The following DTNB variants were observed in gnomAD, a reference collection of about 807,000 sequenced individuals.
DTNB encodes DTN-B.
Under a neutral mutation model 90.7 loss-of-function variants are expected in DTNB, and 63 were observed. The ratio of observed to expected loss-of-function variants is 0.69; its 90% CI spans 0.57 to 0.86. The LOEUF is 0.86. Ranked by LOEUF, DTNB falls within the 40% of genes least tolerant of loss-of-function variation. DTNB has a pLI of 0.00. For missense variants in DTNB, 744 were observed against 807.1 expected (o/e 0.92, Z 0.95); for synonymous variants, 277 against 286.7 (o/e 0.97, Z 0.34).
At chr2:25,553,161 C>T (rs2151123568) in intron 8 of DTNB, among the ~76,000 whole-genome samples, 1 of 152,174 alleles carries the variant, frequency 6.6e-6, no homozygotes, top group South Asian at 2.1e-4. Context: ...CTATGTTGCC[C>T]AGGCTGGTCT....
chr2:25,657,125 G>A (rs953777038), intron 1 of DTNB, among the ~76,000 whole-genome samples: 5 of 152,102 alleles, frequency 3.3e-5, no homozygotes, highest in Admixed American at 2.0e-4. Context: ...GCACTGAGCC[G>A]AGATCATGCC....
intron 4 of DTNB, 106 bp downstream of exon 4, chr2:25,628,065 G>A: frequency 8.3e-7 from 1 of 1,209,436 alleles, no homozygotes; most frequent in Non-Finnish European, 1.2e-6. Flanking sequence ...ATGATTCTAA[G>A]TTGCCAGCTT....
chr2:25,576,738 A>C, intron 8 of DTNB, 100 bp downstream of exon 8: 1 of 1,361,258 alleles, frequency 7.3e-7, no homozygotes. Flanking sequence ...ACTATATCAC[A>C]CCCTTATTTG....
intron 4 of DTNB, among the ~76,000 whole-genome samples, chr2:25,610,621 T>C (rs925031672): frequency 1.3e-5 from 2 of 151,858 alleles, no homozygotes; most frequent in African/African-American, 4.9e-5. Context: ...AATACCCAGG[T>C]AACTAACCAG....
At chr2:25,552,443 A>ACCT (rs2056461628) in intron 8 of DTNB, among the ~76,000 whole-genome samples, 1 of 152,124 alleles carries the variant, frequency 6.6e-6, no homozygotes, top group Admixed American at 6.5e-5. Flanking sequence ...TGCCTGAGAC[A>ACCT]CCTCCATCAC....
intron 8 of DTNB, among the ~76,000 whole-genome samples, chr2:25,570,480 G>C (rs73922431): frequency 6.7e-6 from 1 of 149,928 alleles, no homozygotes; most frequent in Non-Finnish European, 1.5e-5. Flanking sequence ...TTCATTAGGA[G>C]ACTTAGCTAT....
intron 12 of DTNB, among the ~76,000 whole-genome samples, chr2:25,443,567 C>T (rs1447657103): frequency 2.0e-5 from 3 of 152,194 alleles, no homozygotes; most frequent in Admixed American, 1.3e-4. Flanking sequence ...AAGAGATGCA[C>T]CTGGTATCAG....
chr2:25,408,221 A>C (rs1174105948), intron 16 of DTNB, among the ~76,000 whole-genome samples: 1 of 152,116 alleles, frequency 6.6e-6, no homozygotes, highest in Non-Finnish European at 1.5e-5. Flanking sequence ...AGGCAGGAGA[A>C]TTACTTGAAC....
At chr2:25,450,993 C>T (rs193108199) in intron 12 of DTNB, among the ~76,000 whole-genome samples, 95 of 152,168 alleles carry the variant, frequency 6.2e-4, no homozygotes, top group African/African-American at 2.1e-3. Context: ...TTTATAGAGA[C>T]AGCATTTCAC....
chr2:25,612,819 T>C (rs1187611361), intron 4 of DTNB, among the ~76,000 whole-genome samples: 12 of 152,134 alleles, frequency 7.9e-5, no homozygotes, highest in Admixed American at 7.9e-4. Context: ...TTGAATGAAC[T>C]AGATATATAC....
At chr2:25,635,153 C>A (rs935801057) in intron 3 of DTNB, among the ~76,000 whole-genome samples, 8 of 151,704 alleles carry the variant, frequency 5.3e-5, no homozygotes, top group Non-Finnish European at 7.4e-5. Context: ...AATGAAGAGG[C>A]TGGGAGTGGT....
intron 6 of DTNB, among the ~76,000 whole-genome samples, chr2:25,589,992 G>C (rs546837412): frequency 6.6e-6 from 1 of 152,308 alleles, no homozygotes; most frequent in East Asian, 1.9e-4. Flanking sequence ...AGCTGCAGTG[G>C]GGCAGGCAGC....
chr2:25,663,456 T>C (rs1321022711), intron 1 of DTNB, among the ~76,000 whole-genome samples: 7 of 152,208 alleles, frequency 4.6e-5, no homozygotes, highest in Admixed American at 4.6e-4. Context: ...CAAACGTTAT[T>C]TCTGGTTCTA....
chr2:25,425,332 C>T (rs1300901428), intron 15 of DTNB, among the ~76,000 whole-genome samples: 1 of 152,172 alleles, frequency 6.6e-6, no homozygotes, highest in African/African-American at 2.4e-5. Flanking sequence ...CAGCTCATAA[C>T]AAAACAGTAA....
At position 25,393,929 on chromosome 2, in the gene DTNB, C is replaced by A. The variant is rs191461450; in HGVS notation, c.1576-5568G>T. ...TCATATGGAACCAAAAAAGAGCCCA[C>A]ATAGCCACAGCAAGACTAAGCAAAA... On this transcript the variant is annotated intron_variant, in intron 16 of 20. Coordinates refer to ENST00000406818, the MANE Select transcript of DTNB (RefSeq NM_021907.5). Among the ~76,000 whole-genome samples, 1,104 of 152,210 alleles carry A rather than the reference C, an allele frequency of 7.3e-3. 2 individuals carry two copies. The highest frequency in any genetic ancestry group is 0.012 in the Non-Finnish European group (803 of 67,992).
At chr2:25,648,993 CTTTTTTTTTTT>C (rs60749102) in intron 2 of DTNB, among the ~76,000 whole-genome samples, 19 of 93,988 alleles carry the variant, frequency 2.0e-4, no homozygotes, top group African/African-American at 6.9e-4. Flanking sequence ...TCCTTCCTAC[CTTTTTTTTTTT>C]TTTTTTTTTT....
At chr2:25,505,514 C>T (rs975589253) in intron 9 of DTNB, among the ~76,000 whole-genome samples, 1 of 152,130 alleles carries the variant, frequency 6.6e-6, no homozygotes, top group African/African-American at 2.4e-5. Context: ...TTTGTACCCA[C>T]ATCAACAAGA....
intron 8 of DTNB, among the ~76,000 whole-genome samples, chr2:25,532,592 T>A (rs935126297): frequency 6.6e-6 from 1 of 152,214 alleles, no homozygotes; most frequent in East Asian, 1.9e-4. Flanking sequence ...GTAAGCAACA[T>A]GCCACAATTA....
intron 9 of DTNB, among the ~76,000 whole-genome samples, chr2:25,500,545 G>A (rs189378236): frequency 3.7e-3 from 570 of 152,188 alleles, no homozygotes; most frequent in African/African-American, 0.013. Context: ...ATTTGCCAAG[G>A]GAAAGAAAAA....
Sources: allele counts gnomAD v4.1 joint callset (sites outside exome capture counted in the v4.1 genomes callset), GRCh38; gene constraint gnomAD v4.1.1; transcripts MANE v1.5; gene names NCBI Gene and HGNC (gene_info 2026-07-23, HGNC 2026-07-21).